The following CFAP47 variants were observed in gnomAD, a reference collection of about 807,000 sequenced individuals.
CFAP47 encodes cilia and flagella associated protein 47.
A neutral mutation model predicts 148.1 loss-of-function variants in CFAP47; 29 were observed. The ratio of observed to expected loss-of-function variants is 0.20; its 90% confidence interval spans 0.15 to 0.27. The LOEUF (loss-of-function observed/expected upper bound fraction) is 0.27. Among genes scored for constraint, CFAP47 ranks in the 10% least tolerant of loss-of-function variants. The pLI is 1.00. For synonymous variants in CFAP47, 664 were observed against 577.3 expected, an observed-to-expected ratio of 1.15 and a Z score of -2.15; for missense variants, 1,872 against 1,697.5, an observed-to-expected ratio of 1.10 and a Z score of -1.81.
At chrX:36,000,882 CTATGAGCCAAA>C (rs1024283298) in intron 20 of CFAP47, among the ~76,000 whole-genome samples, 1 of 111,291 alleles carries the variant, frequency 9.0e-6, no homozygotes, top group African/African-American at 3.3e-5. Context: ...AAAATAAGAC[CTATGAGCCAAA>C]TATGAGCCAT....
intron 8 of CFAP47, among the ~76,000 whole-genome samples, chrX:35,961,349 A>G (rs1294866909): frequency 9.0e-6 from 1 of 111,617 alleles, no homozygotes; most frequent in Non-Finnish European, 1.9e-5. Context: ...ATGAATTGAG[A>G]ATACACTCTT....
chrX:36,048,525 C>A (rs1343177173), intron 26 of CFAP47, among the ~76,000 whole-genome samples: 2 of 111,329 alleles, frequency 1.8e-5, no homozygotes, highest in Admixed American at 9.6e-5. Context: ...ATTTTGTTTT[C>A]TTTAGATTTT....
intron 33 of CFAP47, among the ~76,000 whole-genome samples, chrX:36,132,207 A>T (rs1283547844): frequency 9.0e-6 from 1 of 111,236 alleles, no homozygotes; most frequent in Non-Finnish European, 1.9e-5. Flanking sequence ...ACTTAAATAT[A>T]CCTGAATATC....
At chrX:36,229,904 T>C (rs1397696227) in intron 46 of CFAP47, among the ~76,000 whole-genome samples, 2 of 101,324 alleles carry the variant, frequency 2.0e-5, no homozygotes, top group Admixed American at 2.2e-4. Flanking sequence ...AATGATGATT[T>C]CCAATTTCAT....
chrX:36,365,794 T>C (rs1235156160), intron 61 of CFAP47: 1 of 111,151 alleles, frequency 9.0e-6, no homozygotes, highest in Non-Finnish European at 1.9e-5. Context: ...TCCAGCTGCA[T>C]CCATGTGTCT....
intron 30 of CFAP47, among the ~76,000 whole-genome samples, chrX:36,089,105 C>T (rs183470688): frequency 4.6e-4 from 52 of 111,916 alleles, no homozygotes; most frequent in African/African-American, 1.6e-3. Flanking sequence ...CGGTGGCTCA[C>T]GCGTATAATC....
At chrX:36,266,337 C>T (rs1192935014) in intron 49 of CFAP47, among the ~76,000 whole-genome samples, 3 of 110,577 alleles carry the variant, frequency 2.7e-5, no homozygotes, top group African/African-American at 9.9e-5. Context: ...AGGTGGGATG[C>T]ACTCCAGCAA....
At chrX:36,044,879 A>G (rs1937446802) in intron 25 of CFAP47, among the ~76,000 whole-genome samples, 1 of 111,831 alleles carries the variant, frequency 8.9e-6, no homozygotes, top group African/African-American at 3.2e-5. Context: ...TTTCTTTTTC[A>G]GATTGTTATC....
rs748696218 is a variant in CFAP47, at chrX:35,966,575, G to A, written c.1421G>A (p.Cys474Tyr). The A allele has an allele frequency of 1.9e-6, 2 of 1,055,268 alleles. No homozygotes were observed. Among genetic ancestry groups the A allele is most frequent in the South Asian group, 6.0e-5 (2 of 33,585 alleles). 87.0% of individuals were successfully genotyped at this position (1,055,268 alleles called of 1,213,427 possible). ...ATCTTTTTTTTTTAGGATGTGATGT[G>A]TTCATTTGTTCCACATCAACTTGGA... ...ITGGGMVDVM[C>Y]SFVPHQLGVF... The change falls in exon 9 of 64, where the codon TGT (cysteine) becomes TAT (tyrosine). Residue 474 changes from cysteine (C) to tyrosine (Y), a missense_variant. Coordinates refer to ENST00000378653, the MANE Select transcript of CFAP47 (RefSeq NM_001304548.2).
At position 36,163,720 on chromosome X, in the gene CFAP47, T is replaced by G. The variant is rs752013248; in HGVS notation, c.6026+2951T>G. The stretch of plus-strand genomic sequence containing the variant: ...TGCCTCCCGGTTTCAAGTGATTCTC[T>G]TGCCTCAGCCTCCTGAGTAGCTGGG... On this transcript the variant is annotated intron_variant, in intron 39 of 63. Coordinates refer to ENST00000378653, the MANE Select transcript of CFAP47 (RefSeq NM_001304548.2). 3.6e-5 allele frequency among the ~76,000 whole-genome samples: 4 copies of G among 110,884 alleles called. No homozygotes were observed. In the South Asian group the frequency reaches 1.5e-3, roughly 42 times the overall value.
At chrX:36,346,396 A>G (rs1165325294) in intron 57 of CFAP47, among the ~76,000 whole-genome samples, 2 of 111,272 alleles carry the variant, frequency 1.8e-5, no homozygotes, top group Non-Finnish European at 3.8e-5. Context: ...CATGCATAGT[A>G]AATGTTGAAA....
At chrX:36,288,494 G>A (rs1476628108) in intron 51 of CFAP47, among the ~76,000 whole-genome samples, 1 of 112,087 alleles carries the variant, frequency 8.9e-6, no homozygotes, top group Non-Finnish European at 1.9e-5. Flanking sequence ...AAGTGTGTGA[G>A]CAACTCTTTA....
At chrX:36,321,385 G>T (rs781798630) in intron 57 of CFAP47, among the ~76,000 whole-genome samples, 7 of 111,231 alleles carry the variant, frequency 6.3e-5, no homozygotes, top group Admixed American at 2.9e-4. Flanking sequence ...AATGGGTGGC[G>T]GTGGGGCCAT....
chrX:36,116,603 C>A (rs1410418754), intron 33 of CFAP47, among the ~76,000 whole-genome samples: 1 of 111,431 alleles, frequency 9.0e-6, no homozygotes, highest in African/African-American at 3.3e-5. Flanking sequence ...ATTAAATTAG[C>A]CTTTTTCTTA....
In CFAP47 at chrX:36,039,151, A is replaced by G. The variant is rs1555965036; in HGVS notation, c.3979A>G (p.Ile1327Val). The G allele has an allele frequency of 9.3e-7, 1 of 1,074,473 alleles. No homozygotes were observed. The highest frequency in any genetic ancestry group is 1.2e-6 in the Non-Finnish European group (1 of 804,285). 88.5% of individuals were successfully genotyped at this position (1,074,473 alleles called of 1,213,427 possible). A position where few individuals can be genotyped will look rare whatever the true frequency, so the allele number is the denominator to read the frequency against. Reference sequence around the variant, plus strand: ...TTTGGATATAACAACTGTAATGGATATCAACATTTTACCTCAAAACTATTT... The same window carrying G: ...TTTGGATATAACAACTGTAATGGATGTCAACATTTTACCTCAAAACTATTT... ...VPLDITTVMD[I>V]NILPQNYFRN... The change falls in exon 25 of 64, where the codon ATC (isoleucine) becomes GTC (valine). Residue 1327 changes from isoleucine to valine, a missense_variant. Ile to Val is a conservative substitution (Grantham distance 29). Coordinates refer to ENST00000378653, the MANE Select transcript of CFAP47 (RefSeq NM_001304548.2).
chrX:36,028,329 A>G (rs769883251), intron 22 of CFAP47, among the ~76,000 whole-genome samples: 1 of 110,773 alleles, frequency 9.0e-6, no homozygotes, highest in Non-Finnish European at 1.9e-5. Flanking sequence ...TAATTTTTGT[A>G]TATGGTGAGA....
chrX:35,994,401 CTGTT>C (rs1936823081), intron 18 of CFAP47, among the ~76,000 whole-genome samples: 1 of 111,926 alleles, frequency 8.9e-6, no homozygotes, highest in Non-Finnish European at 1.9e-5. Flanking sequence ...TTATGATCAA[CTGTT>C]TGTATTTACT....
chrX:36,105,192 GT>G (rs1793371979), intron 33 of CFAP47, among the ~76,000 whole-genome samples: 1 of 111,855 alleles, frequency 8.9e-6, no homozygotes, highest in Non-Finnish European at 1.9e-5. Context: ...ACATCCTTGT[GT>G]TTTAGATGAA....
Position 36,046,897 on chromosome X carries a change from G to T in CFAP47, c.4051G>T (p.Asp1351Tyr), listed in dbSNP as rs1298551231. The T allele has an allele frequency of 2.4e-5, 28 of 1,162,403 alleles. No individual in the cohort carries two copies. The highest frequency in any genetic ancestry group is 3.0e-5 in the Non-Finnish European group (26 of 870,815). ...CCAGATTCCCACAGTAAGGCTTCTT[G>T]ATGGTGAAGAGATTCACCCTCTTTC... ...CVQIPTVRLL[D>Y]GEEIHPLSVK... Residue 1351 changes from aspartate (D) to tyrosine (Y), a missense_variant, in exon 26 of 64, where the codon GAT becomes TAT. Transcript: ENST00000378653.
Sources: gnomAD v4.1 joint callset for allele counts (sites outside exome capture counted in the v4.1 genomes callset) on GRCh38, gnomAD v4.1.1 for gene constraint, MANE v1.5 for transcripts, NCBI Gene and HGNC (gene_info 2026-07-23, HGNC 2026-07-21) for gene names.